Variants in CACNA2D3 observed in about 807,000 individuals in gnomAD.
The protein encoded by CACNA2D3 is voltage-dependent calcium channel subunit alpha-2/delta-3.
CACNA2D3 carries 60 observed loss-of-function variants against 160.6 expected under a neutral mutation model. That is an observed-to-expected ratio of 0.37 (90% CI 0.30 to 0.46). The LOEUF (loss-of-function observed/expected upper bound fraction) is 0.46, where lower values mean the gene tolerates loss of function less well. CACNA2D3 is among the 20% of genes least tolerant of loss of function. CACNA2D3 has a pLI of 1.00. For synonymous variants in CACNA2D3, 558 were observed against 492.9 expected (o/e 1.13, Z -1.75); for missense variants, 1,205 against 1,365.0 (o/e 0.88, Z 1.85).
At chr3:54,423,302 A>G (rs1478820586) in intron 4 of CACNA2D3, among the ~76,000 whole-genome samples, 1 of 152,328 alleles carries the variant, frequency 6.6e-6, no homozygotes, top group East Asian at 1.9e-4. Context: ...TTAAGATAAA[A>G]AGAAGAAATG....
chr3:54,747,941 T>C lies in CACNA2D3; in HGVS notation c.1168-4658T>C, dbSNP rs534572684. On this transcript the variant is annotated intron_variant, in intron 11 of 37. Coordinates refer to ENST00000474759, the MANE Select transcript of CACNA2D3 (RefSeq NM_018398.3). ...ATCAGCATTTAATTCAACAAATACA[T>C]AAACATTCTCTATGAATTTGCCATT... is the stretch of plus-strand genomic sequence containing the variant. Among the ~76,000 whole-genome samples the C allele has an allele frequency of 7.2e-5, 11 of 152,344 alleles. No individual in the cohort carries two copies. The South Asian group carries it at 2.3e-3, about 32-fold the overall frequency.
intron 11 of CACNA2D3, among the ~76,000 whole-genome samples, chr3:54,705,107 T>A (rs1700835426): frequency 6.6e-6 from 1 of 152,130 alleles, no homozygotes; most frequent in South Asian, 2.1e-4. Context: ...TCCAAAAGAT[T>A]AAGTTCATTG....
At chr3:54,439,366 C>G (rs113494646) in intron 4 of CACNA2D3, among the ~76,000 whole-genome samples, 9 of 151,570 alleles carry the variant, frequency 5.9e-5, no homozygotes, top group African/African-American at 2.2e-4. Context: ...GCTCATGGAT[C>G]TCAAGGGCAG....
At chr3:54,683,868 T>A (rs1700398822) in intron 11 of CACNA2D3, among the ~76,000 whole-genome samples, 1 of 152,140 alleles carries the variant, frequency 6.6e-6, no homozygotes, top group African/African-American at 2.4e-5. Flanking sequence ...CTAGTAACCC[T>A]TGGTGTTCCT....
intron 13 of CACNA2D3, among the ~76,000 whole-genome samples, chr3:54,814,634 C>G (rs1160929683): frequency 6.6e-6 from 1 of 152,222 alleles, no homozygotes; most frequent in Non-Finnish European, 1.5e-5. Flanking sequence ...GAAAGTTGCT[C>G]TTTGTTCTCG....
chr3:54,850,550 G>A (rs1699036165), intron 17 of CACNA2D3, among the ~76,000 whole-genome samples: 2 of 151,950 alleles, frequency 1.3e-5, no homozygotes, highest in East Asian at 3.9e-4. Flanking sequence ...CTTTTCTTTT[G>A]CCCAACAGCG....
intron 29 of CACNA2D3, among the ~76,000 whole-genome samples, chr3:54,978,849 A>G (rs1433052018): frequency 6.6e-6 from 1 of 152,212 alleles, no homozygotes; most frequent in African/African-American, 2.4e-5. Flanking sequence ...CTTAAAATCA[A>G]CTGATGAGAC....
At chr3:54,304,881 T>A (rs190423334) in intron 2 of CACNA2D3, among the ~76,000 whole-genome samples, 4 of 152,306 alleles carry the variant, frequency 2.6e-5, no homozygotes, top group Non-Finnish European at 4.4e-5. Flanking sequence ...ACGATTGGAA[T>A]TTTGTTGTGG....
At position 54,642,195 on chromosome 3, in the gene CACNA2D3, A is replaced by G. The variant is rs750476671; in HGVS notation, c.1121A>G (p.Asp374Gly). 1.1e-5 allele frequency: 17 copies of G among 1,613,176 alleles called. No individual in the cohort carries two copies. Among genetic ancestry groups the G allele is most frequent in the African/African-American group, 1.3e-5 (1 of 74,920 alleles). Residue 374 changes from aspartate (D) to glycine (G), a missense_variant, in exon 11 of 38, where the codon GAC (aspartate) becomes GGC (glycine). By Grantham distance (94) the Asp-to-Gly change is moderately conservative (BLOSUM62 -1). Coordinates refer to ENST00000474759, the MANE Select transcript of CACNA2D3 (RefSeq NM_018398.3). ...AIMLITDGAV[D>G]TYDTIFAKYN... The stretch of plus-strand genomic sequence containing the variant: ...ATGCTCATAACTGATGGGGCGGTGG[A>G]CACCTATGATACAATCTTTGCAAAA...
At chr3:54,145,343 A>G (rs956476548) in intron 2 of CACNA2D3, among the ~76,000 whole-genome samples, 1 of 152,202 alleles carries the variant, frequency 6.6e-6, no homozygotes, top group Admixed American at 6.5e-5. Flanking sequence ...TGTTTTGATA[A>G]TGAAAGTACC....
chr3:54,322,992 C>G (rs985524072), intron 3 of CACNA2D3, among the ~76,000 whole-genome samples: 1 of 152,154 alleles, frequency 6.6e-6, no homozygotes, highest in African/African-American at 2.4e-5. Flanking sequence ...GCTTGATGCT[C>G]GAGCCTGTAA....
chr3:55,060,448 T>C (rs1029575206), intron 35 of CACNA2D3, among the ~76,000 whole-genome samples: 1 of 152,162 alleles, frequency 6.6e-6, no homozygotes, highest in African/African-American at 2.4e-5. Flanking sequence ...TCTAGCTCTG[T>C]AGAGTTTTGA....
chr3:54,485,244 G>A (rs1485352496), intron 4 of CACNA2D3, among the ~76,000 whole-genome samples: 1 of 152,168 alleles, frequency 6.6e-6, no homozygotes, highest in East Asian at 1.9e-4. Context: ...CATGCTTGAA[G>A]TATTATGCTC....
At chr3:54,927,884 C>T (rs377481751) in intron 27 of CACNA2D3, 18 of 1,613,382 alleles carry the variant, frequency 1.1e-5, no homozygotes, top group Non-Finnish European at 1.4e-5. Flanking sequence ...ACTTTTCCAA[C>T]GGGAATTGAT....
At chr3:54,518,583 T>A (rs1248792369) in intron 5 of CACNA2D3, among the ~76,000 whole-genome samples, 1 of 152,224 alleles carries the variant, frequency 6.6e-6, no homozygotes, top group African/African-American at 2.4e-5. Flanking sequence ...TTTTTGTGCC[T>A]GGTATTCTTG....
intron 5 of CACNA2D3, among the ~76,000 whole-genome samples, chr3:54,555,274 T>C (rs1413662922): frequency 1.3e-5 from 2 of 152,192 alleles, no homozygotes; most frequent in Non-Finnish European, 2.9e-5. Flanking sequence ...GTGCTTTACA[T>C]CCATTAATTT....
At chr3:54,530,223 T>C (rs1194024137) in intron 5 of CACNA2D3, among the ~76,000 whole-genome samples, 1 of 152,216 alleles carries the variant, frequency 6.6e-6, no homozygotes, top group East Asian at 1.9e-4. Context: ...CAGTGCCCTG[T>C]TCTTGCATGC....
chr3:54,848,472 C>A (rs949788174), intron 17 of CACNA2D3, among the ~76,000 whole-genome samples: 2 of 152,170 alleles, frequency 1.3e-5, no homozygotes, highest in African/African-American at 4.8e-5. Context: ...ACCATATGAA[C>A]CATGTTGCAG....
At chr3:54,993,858 T>C (rs1314940799) in intron 31 of CACNA2D3, among the ~76,000 whole-genome samples, 4 of 148,976 alleles carry the variant, frequency 2.7e-5, no homozygotes, top group African/African-American at 9.9e-5. Context: ...CTCTCTCTTT[T>C]TTTTTTTTTT....
Sources: gnomAD v4.1 joint callset for allele counts (sites outside exome capture counted in the v4.1 genomes callset) on GRCh38, gnomAD v4.1.1 for gene constraint, MANE v1.5 for transcripts, NCBI Gene and HGNC (gene_info 2026-07-23, HGNC 2026-07-21) for gene names.